RAB33A: variants seen among roughly 807,000 people sequenced by gnomAD.
The protein encoded by RAB33A is ras-related protein Rab-33A.
In RAB33A, 6 loss-of-function variants were observed where a neutral mutation model predicts 12.0. The observed-to-expected ratio is 0.50, with a 90% confidence interval of 0.27 to 0.99. The LOEUF (loss-of-function observed/expected upper bound fraction) is 0.99. Among genes scored for constraint, RAB33A ranks in the 50% least tolerant of loss-of-function variants. The pLI, the probability that RAB33A is intolerant of heterozygous loss-of-function variation, is 0.11. For synonymous variants in RAB33A, 70 were observed against 82.4 expected, an observed-to-expected ratio of 0.85 and a Z score of 0.81; for missense variants, 109 against 192.0, an observed-to-expected ratio of 0.57 and a Z score of 2.55.
the RAB33A span, among the ~76,000 whole-genome samples, chrX:130,144,302 G>A: frequency 4.5e-5 from 5 of 110,802 alleles, no homozygotes; most frequent in Admixed American, 1.9e-4. Context: ...TCCTCCTCAC[G>A]GCCAATGGTG....
the RAB33A span, chrX:130,133,563 T>C: frequency 5.1e-6 from 5 of 974,324 alleles, no homozygotes; most frequent in Non-Finnish European, 7.2e-6. Context: ...TGGTAACTAA[T>C]TCATGTTTTC....
chrX:130,171,722 G>A (rs920304614), upstream of RAB33A: 1 of 248,240 alleles, frequency 4.0e-6, no homozygotes. Context: ...AGCGCGGTAG[G>A]GTCCTTCGCC....
chrX:130,122,574 G>A, the RAB33A span, among the ~76,000 whole-genome samples: 1 of 112,287 alleles, frequency 8.9e-6, no homozygotes, highest in Non-Finnish European at 1.9e-5. Context: ...AGCAAGGGGG[G>A]GTGGGAGGTA....
the RAB33A span, chrX:130,137,271 G>T: frequency 8.3e-7 from 1 of 1,203,601 alleles, no homozygotes; most frequent in Non-Finnish European, 1.1e-6. Flanking sequence ...GCAGCAGGCA[G>T]CCCTCACTAC....
At chrX:130,171,877 G>A, upstream of RAB33A, 1 of 458,734 alleles carries the variant, frequency 2.2e-6, no homozygotes, top group Non-Finnish European at 3.6e-6. Context: ...GGGGCCCGGA[G>A]TGAGAGGCAC....
the RAB33A span, among the ~76,000 whole-genome samples, chrX:130,138,322 A>G: frequency 1.7e-4 from 19 of 110,618 alleles, no homozygotes; most frequent in African/African-American, 4.6e-4. Flanking sequence ...AAAATTAGCC[A>G]GGCGTGGTTA....
the RAB33A span, chrX:130,136,558 C>T: frequency 1.2e-6 from 1 of 828,514 alleles, no homozygotes; most frequent in Non-Finnish European, 1.8e-6. Context: ...AACTAATCTA[C>T]TGGTGTCAAA....
chrX:130,174,665 G>A (rs5930381), intron 1 of RAB33A, among the ~76,000 whole-genome samples: 2,637 of 111,798 alleles, frequency 0.024, 48 homozygotes, highest in Admixed American at 0.063. Context: ...AGCAATAGAA[G>A]GCTTTTGGGC....
At chrX:130,171,100 G>GC (rs2031600362), upstream of RAB33A, among the ~76,000 whole-genome samples, 2 of 112,892 alleles carry the variant, frequency 1.8e-5, no homozygotes, top group South Asian at 3.6e-4. Flanking sequence ...CCTGGTACGC[G>GC]CCCCCCTACA....
Position 130,184,450 on chromosome X carries a change from C to T in RAB33A, c.424C>T (p.Pro142Ser). The T allele has an allele frequency of 8.3e-7, 1 of 1,211,802 alleles. No homozygotes were observed. Among genetic ancestry groups the T allele is most frequent in the Non-Finnish European group, 1.1e-6 (1 of 895,300 alleles). Residue 142 changes from proline (P) to serine (S), a missense_variant, in exon 2 of 2, where the codon CCA becomes TCA. By Grantham distance (74) the Pro-to-Ser change is moderately conservative. Coordinates refer to ENST00000257017, the MANE Select transcript of RAB33A (RefSeq NM_004794.3). ...IQECNGHAVP[P>S]LVPKVLVGNK... ...AGAATGCAATGGGCATGCTGTGCCC[C>T]CACTAGTCCCCAAAGTGCTTGTGGG...
upstream of RAB33A, among the ~76,000 whole-genome samples, chrX:130,167,905 C>T: frequency 9.2e-6 from 1 of 108,380 alleles, no homozygotes; most frequent in East Asian, 2.9e-4. Context: ...GGGCCGGGTG[C>T]AGTGGCTCAT....
the RAB33A span, among the ~76,000 whole-genome samples, chrX:130,161,039 C>T: frequency 9.0e-6 from 1 of 111,474 alleles, no homozygotes; most frequent in South Asian, 3.7e-4. Context: ...AGAATAGTAG[C>T]TAAACTAGCA....
chrX:130,129,617 G>A, the RAB33A span: 10 of 1,206,454 alleles, frequency 8.3e-6, no homozygotes, highest in Middle Eastern at 4.6e-4. Context: ...GCTGCTCACC[G>A]TCCTTAATGA....
chrX:130,142,826 A>G, the RAB33A span, among the ~76,000 whole-genome samples: 3 of 110,772 alleles, frequency 2.7e-5, no homozygotes, highest in Non-Finnish European at 5.7e-5. Context: ...TTGTATTTTT[A>G]GTAGAGATGT....
chrX:130,172,437 T>G, intron 1 of RAB33A, 117 bp downstream of exon 1: 1 of 959,288 alleles, frequency 1.0e-6, no homozygotes, highest in Non-Finnish European at 1.4e-6. Context: ...CGCCTCTTGC[T>G]GAGCCGAGGA....
chrX:130,147,431 T>C, the RAB33A span: 1 of 1,201,835 alleles, frequency 8.3e-7, no homozygotes, highest in Non-Finnish European at 1.1e-6. Context: ...AGTGGCAAAA[T>C]CCTAACCTAT....
the RAB33A span, among the ~76,000 whole-genome samples, chrX:130,159,931 C>T: frequency 9.1e-6 from 1 of 110,227 alleles, no homozygotes; most frequent in African/African-American, 3.3e-5. Flanking sequence ...AGCCATTCAC[C>T]AGCCTCAGCC....
chrX:130,112,696 A>T, the RAB33A span, among the ~76,000 whole-genome samples: 17 of 110,216 alleles, frequency 1.5e-4, no homozygotes, highest in South Asian at 3.9e-4. Context: ...GTGAAACCCC[A>T]TCTCTACTAA....
At chrX:130,127,708 G>C in the RAB33A span, among the ~76,000 whole-genome samples, 133 of 18,353 alleles carry the variant, frequency 7.2e-3, 2 homozygotes, top group African/African-American at 0.068. Flanking sequence ...TTTTTTTTTT[G>C]AGATGGAATA....
Sources: gnomAD v4.1 joint callset for allele counts (sites outside exome capture counted in the v4.1 genomes callset) on GRCh38, gnomAD v4.1.1 for gene constraint, MANE v1.5 for transcripts, NCBI Gene and HGNC (gene_info 2026-07-23, HGNC 2026-07-21) for gene names.